SESTD1: variants seen among roughly 807,000 people sequenced by gnomAD.
SESTD1 encodes SEC14 and spectrin domain containing 1, also known as SEC14 domain and spectrin repeat-containing protein 1.
SESTD1 carries 43 observed loss-of-function variants against 101.7 expected under a neutral mutation model. The observed-to-expected ratio is 0.42, with a 90% CI of 0.33 to 0.55. The LOEUF (loss-of-function observed/expected upper bound fraction) is 0.55, where lower values mean the gene tolerates loss of function less well. Among genes scored for constraint, SESTD1 ranks in the 20% least tolerant of loss-of-function variants. SESTD1 has a pLI of 0.07. For synonymous variants in SESTD1, 283 were observed against 286.8 expected (o/e 0.99, Z 0.13); for missense variants, 647 against 815.1 (o/e 0.79, Z 2.51).
intron 4 of SESTD1, among the ~76,000 whole-genome samples, chr2:179,175,399 C>T (rs1020955789): frequency 2.0e-5 from 3 of 152,166 alleles, no homozygotes; most frequent in Non-Finnish European, 4.4e-5. Flanking sequence ...TTCCACAGAA[C>T]CCTAAAGTAG....
At chr2:179,176,661 T>C in intron 3 of SESTD1, 123 bp from the exon 4 acceptor site, 1 of 574,182 alleles carries the variant, frequency 1.7e-6, no homozygotes, top group Non-Finnish European at 2.8e-6. Context: ...CTTGGTTTAG[T>C]TTACATTGTC....
intron 1 of SESTD1, among the ~76,000 whole-genome samples, chr2:179,251,264 C>G (rs1276900914): frequency 6.6e-6 from 1 of 152,162 alleles, no homozygotes; most frequent in Admixed American, 6.5e-5. Flanking sequence ...AAGGAGGAAG[C>G]AGTGGGTGAG....
chr2:179,172,689 T>C (rs1575460492), intron 4 of SESTD1, among the ~76,000 whole-genome samples: 1 of 152,174 alleles, frequency 6.6e-6, no homozygotes, highest in African/African-American at 2.4e-5. Flanking sequence ...GACCAAGATT[T>C]TACATGATTA....
Position 179,213,534 on chromosome 2 carries a change from G to C in SESTD1, c.-25-21668C>G, listed in dbSNP as rs760546981. ...AAATCTACGTTTGATTGGTGTACCT[G>C]AAAGTGAGAAGGAGAATGGAACCAA... On this transcript the variant is annotated intron_variant, in intron 1 of 17. Transcript: ENST00000428443. 1.6e-4 allele frequency among the ~76,000 whole-genome samples: 21 copies of C among 135,478 alleles called. 7 individuals carry two copies. Among genetic ancestry groups the C allele is most frequent in the Non-Finnish European group, 3.2e-4 (20 of 62,968 alleles). 88.9% of individuals were successfully genotyped at this position (135,478 alleles called of 152,430 possible). A position where few individuals can be genotyped will look rare whatever the true frequency, so the allele number is the denominator to read the frequency against.
chr2:179,240,856 G>A (rs1287134910), intron 1 of SESTD1, among the ~76,000 whole-genome samples: 1 of 152,146 alleles, frequency 6.6e-6, no homozygotes, highest in East Asian at 1.9e-4. Context: ...CATCCCTGTT[G>A]TGTGAGTGGA....
chr2:179,257,220 GA>G (rs368736519), intron 1 of SESTD1, among the ~76,000 whole-genome samples: 210 of 148,534 alleles, frequency 1.4e-3, no homozygotes, highest in African/African-American at 5.1e-3. Context: ...CTGCCCTTAT[GA>G]AAAAAAAAGA....
chr2:179,131,044 T>C (rs1031636035), intron 10 of SESTD1, among the ~76,000 whole-genome samples: 1 of 148,502 alleles, frequency 6.7e-6, no homozygotes, highest in African/African-American at 2.6e-5. Flanking sequence ...TTTTTACAAG[T>C]ACTAATTAGA....
At chr2:179,176,612 G>T (rs1559129462) in intron 3 of SESTD1, 74 bp from the exon 4 acceptor site, 4 of 1,230,140 alleles carry the variant, frequency 3.3e-6, no homozygotes, top group African/African-American at 3.0e-5. Context: ...AATAAAGAAG[G>T]TTTAAAACTT....
At chr2:179,259,383 C>T (rs188152325) in intron 1 of SESTD1, among the ~76,000 whole-genome samples, 158 of 152,160 alleles carry the variant, frequency 1.0e-3, no homozygotes, top group African/African-American at 3.4e-3. Flanking sequence ...GGTGCCCCCA[C>T]GACACCCGAC....
At position 179,190,119 on chromosome 2, in the gene SESTD1, C is replaced by T. The variant is rs150100445; in HGVS notation, c.55+1668G>A. Among the ~76,000 whole-genome samples the T allele has an allele frequency of 2.0e-3, 308 of 152,132 alleles. 1 individual carries two copies. The highest frequency in any genetic ancestry group is 6.9e-3 in the African/African-American group (286 of 41,512). On this transcript the variant is annotated intron_variant, in intron 2 of 17. Coordinates refer to ENST00000428443, the MANE Select transcript of SESTD1 (RefSeq NM_178123.5). The stretch of plus-strand genomic sequence containing the variant: ...GCAATTCTAAGCAAAAAGAAAAAAT[C>T]CAGAGATACTACATTACCTGTCTTC...
At chr2:179,159,005 A>C (rs1314040916) in intron 5 of SESTD1, among the ~76,000 whole-genome samples, 1 of 152,238 alleles carries the variant, frequency 6.6e-6, no homozygotes, top group African/African-American at 2.4e-5. Context: ...GAAGGTGAGG[A>C]GAAAGGGCAG....
intron 1 of SESTD1, among the ~76,000 whole-genome samples, chr2:179,241,709 T>C (rs555161039): frequency 1.3e-5 from 2 of 151,984 alleles, no homozygotes; most frequent in African/African-American, 4.8e-5. Context: ...GATCACGAGG[T>C]CAGGAGATCG....
chr2:179,190,882 G>A (rs192480933), intron 2 of SESTD1, among the ~76,000 whole-genome samples: 6 of 152,278 alleles, frequency 3.9e-5, no homozygotes, highest in Admixed American at 3.9e-4. Context: ...AACAGATGCT[G>A]GTGAAGCTGC....
intron 1 of SESTD1, among the ~76,000 whole-genome samples, chr2:179,254,651 G>A (rs1396281010): frequency 1.3e-5 from 2 of 152,148 alleles, no homozygotes; most frequent in South Asian, 2.1e-4. Context: ...AGTCTTCCAG[G>A]CAGTCTTCAC....
rs2044641022 is a variant in SESTD1, at chr2:179,116,708, A to G, written c.1607T>C (p.Val536Ala). 3.7e-6 allele frequency: 6 copies of G among 1,614,014 alleles called. No individual in the cohort carries two copies. Among genetic ancestry groups the G allele is most frequent in the African/African-American group, 1.3e-5 (1 of 74,938 alleles). ...RLGDDAQETK[V>A]LLEKHRKFVD... is the part of the protein sequence containing the mutation. Reference sequence around the variant, plus strand: ...AAATTTTCTATGCTTTTCCAGCAAAACTTTCGTTTCTTGAGCATCATCGCC... The same window carrying G: ...AAATTTTCTATGCTTTTCCAGCAAAGCTTTCGTTTCTTGAGCATCATCGCC... The change falls in exon 15 of 18, where the codon GTT (valine) becomes GCT (alanine). Residue 536 changes from valine (V) to alanine (A), a missense_variant. Physicochemically the swap from Val to Ala is moderately conservative, Grantham distance 64. Transcript: ENST00000428443.
At chr2:179,127,427 T>G (rs1575428380) in intron 10 of SESTD1, among the ~76,000 whole-genome samples, 1 of 152,210 alleles carries the variant, frequency 6.6e-6, no homozygotes, top group South Asian at 2.1e-4. Context: ...ACATGACACA[T>G]AGTATGTGCT....
chr2:179,202,801 G>T (rs967722684), intron 1 of SESTD1, among the ~76,000 whole-genome samples: 2 of 134,980 alleles, frequency 1.5e-5, no homozygotes, highest in African/African-American at 5.8e-5. Context: ...GGATTCAGCT[G>T]GTCACCAGTT....
rs147325393 is a variant in SESTD1 at position 179,234,701 on chromosome 2, T to C, written c.-26+29798A>G. On this transcript the variant is annotated intron_variant, in intron 1 of 17. Coordinates refer to ENST00000428443, the MANE Select transcript of SESTD1 (RefSeq NM_178123.5). ...CAAGAGATTCTGAAGACACATCACT[T>C]CTGTAGTATTCCAGCCAGAAACGCA... Among the ~76,000 whole-genome samples, 687 of 152,246 alleles carry C rather than the reference T, an allele frequency of 4.5e-3. 1 individual carries two copies. Among genetic ancestry groups the C allele is most frequent in the African/African-American group, 0.016 (654 of 41,552 alleles).
rs562044667 is a variant in SESTD1, at chr2:179,195,648, C to T, written c.-25-3782G>A. 9.2e-5 allele frequency among the ~76,000 whole-genome samples: 14 copies of T among 152,270 alleles called. No individual in the cohort carries two copies. The South Asian group carries it at 2.9e-3, about 32-fold the overall frequency. Reference sequence around the variant, plus strand: ...AACTTCTACAGTATGTAAATTACCTCCTCATTTGATCCTCCTTCACAGAAC... The same window carrying T: ...AACTTCTACAGTATGTAAATTACCTTCTCATTTGATCCTCCTTCACAGAAC... On this transcript the variant is annotated intron_variant, in intron 1 of 17. Coordinates refer to ENST00000428443, the MANE Select transcript of SESTD1 (RefSeq NM_178123.5).
Sources: gnomAD v4.1 joint callset for allele counts (sites outside exome capture counted in the v4.1 genomes callset) on GRCh38, gnomAD v4.1.1 for gene constraint, MANE v1.5 for transcripts, NCBI Gene and HGNC (gene_info 2026-07-23, HGNC 2026-07-21) for gene names.